CMSS1: variants seen among roughly 807,000 people sequenced by gnomAD.
CMSS1 encodes protein CMSS1.
Under a neutral mutation model 43.5 loss-of-function variants are expected in CMSS1, and 33 were observed. That is an observed-to-expected ratio of 0.76 (90% CI 0.57 to 1.01). CMSS1 has a LOEUF of 1.01. Among genes scored for constraint, CMSS1 ranks in the 50% least tolerant of loss-of-function variants. The probability of loss-of-function intolerance (pLI) is 0.00; values close to 1 mark genes in which losing one functional copy is unlikely to be tolerated. For synonymous variants in CMSS1, 115 were observed against 117.2 expected (o/e 0.98, Z 0.12); for missense variants, 313 against 326.4 (o/e 0.96, Z 0.32).
At chr3:100,139,565 G>GTATGTATATATA (rs1357756933) in intron 1 of CMSS1, among the ~76,000 whole-genome samples, 2 of 132,656 alleles carry the variant, frequency 1.5e-5, no homozygotes, top group Non-Finnish European at 3.3e-5. Flanking sequence ...GTGTGTGTGT[G>GTATGTATATATA]TATGTATATA....
intron 1 of CMSS1, among the ~76,000 whole-genome samples, chr3:99,914,428 T>C (rs1426928468): frequency 7.2e-5 from 11 of 152,202 alleles, no homozygotes; most frequent in Admixed American, 6.5e-4. Context: ...GTTTTTGATA[T>C]GTTAGATTTT....
Position 99,851,663 on chromosome 3 carries a change from G to T in CMSS1, c.64+33620G>T, listed in dbSNP as rs992608905. Among the ~76,000 whole-genome samples the T allele has an allele frequency of 2.0e-5, 3 of 152,118 alleles. No homozygotes were observed. In the East Asian group the frequency reaches 5.8e-4, roughly 29 times the overall value. ...ATATGGTTATTATATTTATCAAATG[G>T]CTTGCTTGAACCAAAGTGTTCAATT... On this transcript the variant is annotated intron_variant, in intron 1 of 9. Coordinates refer to ENST00000421999, the MANE Select transcript of CMSS1 (RefSeq NM_032359.4).
intron 1 of CMSS1, among the ~76,000 whole-genome samples, chr3:100,077,436 G>A (rs2065867286): frequency 6.6e-6 from 1 of 152,208 alleles, no homozygotes; most frequent in East Asian, 1.9e-4. Context: ...AAGGTGGTTA[G>A]CTATTAAGCC....
chr3:100,109,284 T>C (rs767950722), intron 1 of CMSS1, among the ~76,000 whole-genome samples: 17 of 152,090 alleles, frequency 1.1e-4, no homozygotes, highest in Non-Finnish European at 1.8e-4. Flanking sequence ...GATACGCTGG[T>C]TGAAGTTTGA....
In CMSS1 at chr3:100,179,820, A is replaced by G. The variant is rs1441453007; in HGVS notation, c.*1432A>G. On this transcript the variant is annotated 3_prime_UTR_variant, in exon 10 of 10. Transcript: ENST00000421999. ...GACTCTGTGTAGGGTCTCCAACCCC[A>G]CATTTCCCCTCTGCACTGCCCTAGT... 1 of 152,238 alleles carries G rather than the reference A, an allele frequency of 6.6e-6. No individual in the cohort carries two copies. Among genetic ancestry groups the G allele is most frequent in the Non-Finnish European group, 1.5e-5 (1 of 68,080 alleles). The allele number at this position is 152,238 out of a possible 1,614,324, so 9.4% of individuals were successfully genotyped here. A position where few individuals can be genotyped will look rare whatever the true frequency, so the allele number is the denominator to read the frequency against.
intron 1 of CMSS1, among the ~76,000 whole-genome samples, chr3:99,911,553 A>G (rs1445135219): frequency 6.6e-6 from 1 of 151,946 alleles, no homozygotes; most frequent in African/African-American, 2.4e-5. Flanking sequence ...TGGCTCTAAA[A>G]TACTCATCCT....
chr3:100,162,633 C>T (rs1315636752), intron 4 of CMSS1, among the ~76,000 whole-genome samples: 3 of 152,000 alleles, frequency 2.0e-5, no homozygotes, highest in Admixed American at 2.0e-4. Context: ...TACAGTGAGA[C>T]CTCATCGCTA....
intron 1 of CMSS1, among the ~76,000 whole-genome samples, chr3:99,871,522 C>G (rs1944785331): frequency 6.6e-6 from 1 of 152,118 alleles, no homozygotes; most frequent in Admixed American, 6.5e-5. Context: ...AATTTAATGT[C>G]ACATCACAGT....
intron 1 of CMSS1, among the ~76,000 whole-genome samples, chr3:100,101,663 A>C (rs2066307410): frequency 6.6e-6 from 1 of 152,082 alleles, no homozygotes; most frequent in Non-Finnish European, 1.5e-5. Context: ...GTACATGTGC[A>C]CAATGTGCAG....
At chr3:100,001,307 T>C (rs1298798877) in intron 1 of CMSS1, among the ~76,000 whole-genome samples, 7 of 152,214 alleles carry the variant, frequency 4.6e-5, no homozygotes, top group Non-Finnish European at 8.8e-5. Context: ...CATTTACATA[T>C]TATCTATCGC....
rs1707471803 is a variant in CMSS1 at position 99,931,177 on chromosome 3, A to G, written c.64+113134A>G. The G allele has an allele frequency of 7.7e-6, 5 of 653,110 alleles. 1 individual carries two copies. The South Asian group carries it at 1.0e-4, about 13-fold the overall frequency. 40.5% of individuals were successfully genotyped at this position (653,110 alleles called of 1,614,324 possible). ...TTTGATGTCTACAGCAGAGAAGGAT[A>G]TTAGCAGATTCATAAATCACAGTCT... On this transcript the variant is annotated intron_variant, in intron 1 of 9. Transcript: ENST00000421999.
At chr3:99,841,562 G>A (rs1333888953) in intron 1 of CMSS1, among the ~76,000 whole-genome samples, 1 of 152,164 alleles carries the variant, frequency 6.6e-6, no homozygotes, top group Non-Finnish European at 1.5e-5. Flanking sequence ...GGACGAGGTA[G>A]GCTTTGTAGG....
intron 2 of CMSS1, among the ~76,000 whole-genome samples, chr3:100,150,285 T>C (rs2066895522): frequency 6.6e-6 from 1 of 152,246 alleles, no homozygotes; most frequent in Non-Finnish European, 1.5e-5. Context: ...GGGCTCTTAT[T>C]TGGCAGATAT....
chr3:99,960,893 G>A (rs1708470514), intron 1 of CMSS1, among the ~76,000 whole-genome samples: 1 of 152,192 alleles, frequency 6.6e-6, no homozygotes, highest in Admixed American at 6.5e-5. Context: ...TGTACTCTGT[G>A]TGTTTGGCAG....
chr3:99,859,330 A>G (rs1376507566), intron 1 of CMSS1, among the ~76,000 whole-genome samples: 1 of 152,240 alleles, frequency 6.6e-6, no homozygotes, highest in African/African-American at 2.4e-5. Context: ...TCATACTTAC[A>G]GTATTCTCCC....
intron 1 of CMSS1, among the ~76,000 whole-genome samples, chr3:99,900,198 T>C (rs1212528873): frequency 6.6e-6 from 1 of 152,124 alleles, no homozygotes; most frequent in Non-Finnish European, 1.5e-5. Context: ...AATTTATGAC[T>C]ACAGGATGGA....
At chr3:100,079,720 A>C (rs971281574) in intron 1 of CMSS1, among the ~76,000 whole-genome samples, 72 of 152,108 alleles carry the variant, frequency 4.7e-4, no homozygotes, top group African/African-American at 1.7e-3. Flanking sequence ...ACCTGTATTC[A>C]CACTTTAGAA....
intron 1 of CMSS1, among the ~76,000 whole-genome samples, chr3:99,877,671 C>G (rs551674987): frequency 1.1e-3 from 172 of 152,324 alleles, no homozygotes; most frequent in South Asian, 4.6e-3. Context: ...TTTAACTCTT[C>G]TGCCCTATAC....
In CMSS1 at chr3:99,983,422, A is replaced by ATG. The variant is rs1420396845; in HGVS notation, c.65-163549_65-163548dup. Among the ~76,000 whole-genome samples the ATG allele has an allele frequency of 2.7e-3, 235 of 86,916 alleles. 8 individuals are homozygous for ATG. Among genetic ancestry groups the ATG allele is most frequent in the Non-Finnish European group, 4.3e-3 (200 of 46,048 alleles). 57.0% of individuals were successfully genotyped at this position (86,916 alleles called of 152,430 possible). ...TATATATATATATATATATATATGT[A>ATG]TGTATGTATGTATATATATGTATGT... On this transcript the variant is annotated intron_variant, in intron 1 of 9. Transcript: ENST00000421999.
Sources: allele counts gnomAD v4.1 joint callset (sites outside exome capture counted in the v4.1 genomes callset), GRCh38; gene constraint gnomAD v4.1.1; transcripts MANE v1.5; gene names NCBI Gene and HGNC (gene_info 2026-07-23, HGNC 2026-07-21).